Variants in BANP observed in about 807,000 individuals in gnomAD.
The protein encoded by BANP is BTG3 associated nuclear protein.
In BANP, 11 loss-of-function variants were observed where a neutral mutation model predicts 68.1. That is an observed-to-expected ratio of 0.16 (90% CI 0.10 to 0.27). The LOEUF is 0.27. BANP is among the 10% of genes least tolerant of loss of function. BANP has a pLI of 1.00. For synonymous variants in BANP, 329 were observed against 303.2 expected (o/e 1.09, Z -0.88); for missense variants, 504 against 722.7 (o/e 0.70, Z 3.47).
chr16:88,027,818 C>T (rs2077296909), intron 8 of BANP, among the ~76,000 whole-genome samples, 168 bp downstream of exon 8: 1 of 152,264 alleles, frequency 6.6e-6, no homozygotes, highest in Non-Finnish European at 1.5e-5. Flanking sequence ...GGACCTGTGC[C>T]TGGCCCCGTG....
chr16:87,978,824 C>G (rs1195683106), intron 2 of BANP: 1 of 336,030 alleles, frequency 3.0e-6, no homozygotes, highest in Admixed American at 3.9e-5. Flanking sequence ...CAGCTGAGAC[C>G]AGCTGCCCCC....
chr16:87,977,938 C>T (rs376256352), intron 2 of BANP, among the ~76,000 whole-genome samples: 1 of 152,156 alleles, frequency 6.6e-6, no homozygotes, highest in Non-Finnish European at 1.5e-5. Context: ...TGGATTCAAG[C>T]GATTCTCCTG....
At chr16:87,955,519 A>C (rs1427768536) in intron 1 of BANP, among the ~76,000 whole-genome samples, 1 of 152,228 alleles carries the variant, frequency 6.6e-6, no homozygotes, top group African/African-American at 2.4e-5. Flanking sequence ...ATTATTGCGT[A>C]AATGACAGAC....
intron 1 of BANP, among the ~76,000 whole-genome samples, chr16:87,965,757 G>T (rs968129571): frequency 3.3e-5 from 5 of 151,980 alleles, no homozygotes; most frequent in African/African-American, 1.2e-4. Flanking sequence ...GTTAAAGATG[G>T]TTCTGTAAAG....
chr16:87,951,045 G>T (rs1171550746), upstream of BANP: 1 of 152,278 alleles, frequency 6.6e-6, no homozygotes, highest in African/African-American at 2.4e-5. Flanking sequence ...AGTCCCGGCA[G>T]GCATGGCCCA....
chr16:87,964,428 CGAGGCGTCCAG>C (rs1292580439), intron 1 of BANP, among the ~76,000 whole-genome samples: 8 of 149,222 alleles, frequency 5.4e-5, no homozygotes, highest in Non-Finnish European at 1.0e-4. Flanking sequence ...TCACCGTTGC[CGAGGCGTCCAG>C]GAGGCGTGCA....
At chr16:88,028,056 A>T (rs2077352493) in intron 8 of BANP, among the ~76,000 whole-genome samples, 1 of 152,202 alleles carries the variant, frequency 6.6e-6, no homozygotes. Context: ...CCTTAGTTGG[A>T]TTTATCCACA....
chr16:88,072,640 C>T (rs1052989149), intron 13 of BANP, among the ~76,000 whole-genome samples: 10 of 152,390 alleles, frequency 6.6e-5, no homozygotes, highest in African/African-American at 1.4e-4. Flanking sequence ...GAAAACAAAG[C>T]GCAGGGCTGC....
At position 88,035,450 on chromosome 16, in the gene BANP, C is replaced by T. The variant is rs866669380; in HGVS notation, c.1272+56C>T. ...TGCAGGCACCGTGCCCACATGCTCC[C>T]GACCTTCATCGGTGTCACAGTGCGA... On this transcript the variant is annotated intron_variant, in intron 10 of 13. Transcript: ENST00000682872. 2.0e-5 allele frequency: 29 copies of T among 1,474,398 alleles called. 1 individual carries two copies. The highest frequency in any genetic ancestry group is 2.2e-4 in the Middle Eastern group (1 of 4,508). The allele number at this position is 1,474,398 out of a possible 1,614,324, so 91.3% of individuals were successfully genotyped here.
chr16:87,970,793 C>T (rs949430846), intron 1 of BANP, among the ~76,000 whole-genome samples: 5 of 151,920 alleles, frequency 3.3e-5, no homozygotes, highest in Admixed American at 1.3e-4. Context: ...CTGAGGTGGG[C>T]GAATCACCTG....
Position 88,004,138 on chromosome 16 carries a change from C to T in BANP, c.363-157C>T, listed in dbSNP as rs190660823. On this transcript the variant is annotated intron_variant, in intron 4 of 13. Coordinates refer to ENST00000682872, the MANE Select transcript of BANP (RefSeq NM_001386991.1). The surrounding 1 kb of genome is among the most constrained non-coding windows in gnomAD (Gnocchi z 7.0). ...ATTTGGGGCTCCTTCCCCCTCAGGA[C>T]GGGTCCCTGGGAGTGGACTATGTTG... 5.1e-4 allele frequency among the ~76,000 whole-genome samples: 77 copies of T among 152,316 alleles called. No homozygotes were observed. The highest frequency in any genetic ancestry group is 1.7e-3 in the African/African-American group (69 of 41,558).
At chr16:88,010,211 A>G (rs2072659587) in intron 6 of BANP, among the ~76,000 whole-genome samples, 1 of 152,246 alleles carries the variant, frequency 6.6e-6, no homozygotes, top group Non-Finnish European at 1.5e-5. Flanking sequence ...TGGACCTAGC[A>G]TGGGATCTGT....
chr16:87,972,416 G>A (rs6540130), intron 1 of BANP, among the ~76,000 whole-genome samples: 45,975 of 151,074 alleles, frequency 0.3, 8,683 homozygotes, highest in African/African-American at 0.5. Context: ...AATTATCAGG[G>A]TATAGTTTTT....
chr16:88,030,469 C>T (rs1407491317), intron 8 of BANP, among the ~76,000 whole-genome samples: 2 of 152,302 alleles, frequency 1.3e-5, no homozygotes, highest in East Asian at 1.9e-4. Flanking sequence ...GTAAGGTTAG[C>T]GGTCTGCTTC....
chr16:88,022,746 C>G (rs1174099531), intron 7 of BANP, among the ~76,000 whole-genome samples: 1 of 152,332 alleles, frequency 6.6e-6, no homozygotes, highest in East Asian at 1.9e-4. Context: ...GGCCCTTTCC[C>G]TCTCCCAGCT....
chr16:87,962,522 A>G (rs576815557), intron 1 of BANP, among the ~76,000 whole-genome samples: 106 of 152,318 alleles, frequency 7.0e-4, no homozygotes, highest in Admixed American at 2.5e-3. Flanking sequence ...AGTCAGAATT[A>G]CTGCCTTAGA....
At chr16:87,959,462 G>C (rs1207995197) in intron 1 of BANP, among the ~76,000 whole-genome samples, 1 of 152,174 alleles carries the variant, frequency 6.6e-6, no homozygotes, top group Non-Finnish European at 1.5e-5. Flanking sequence ...GATGGGGAGA[G>C]GCCTGGGCCC....
At chr16:87,965,567 A>C (rs1597822214) in intron 1 of BANP, among the ~76,000 whole-genome samples, 1 of 114,002 alleles carries the variant, frequency 8.8e-6, no homozygotes, top group East Asian at 2.9e-4. Flanking sequence ...ACTAAGCCCG[A>C]GGCGCAGAGG....
intron 3 of BANP, 141 bp downstream of exon 3, chr16:87,981,268 AG>A: frequency 2.9e-6 from 2 of 679,216 alleles, no homozygotes; most frequent in Non-Finnish European, 5.2e-6. Flanking sequence ...AGATGCAGGC[AG>A]GGTCTCGCTC....
Sources: allele counts gnomAD v4.1 joint callset (sites outside exome capture counted in the v4.1 genomes callset), GRCh38; gene constraint gnomAD v4.1.1; non-coding constraint Gnocchi (gnomAD v3.1); transcripts MANE v1.5; gene names NCBI Gene and HGNC (gene_info 2026-07-23, HGNC 2026-07-21).